Variants in NADK observed in about 807,000 individuals in gnomAD.
The protein encoded by NADK is NAD kinase.
NADK carries 22 observed loss-of-function variants against 49.8 expected under a neutral mutation model. The observed-to-expected ratio is 0.44, with a 90% CI of 0.32 to 0.63. The LOEUF is 0.63. Among genes scored for constraint, NADK ranks in the 30% least tolerant of loss-of-function variants. NADK has a pLI of 0.06. For missense variants in NADK, 438 were observed against 609.4 expected (o/e 0.72, Z 2.96); for synonymous variants, 268 against 253.7 (o/e 1.06, Z -0.54).
At chr1:1,774,163 G>GTA (rs1000157898) in intron 1 of NADK, among the ~76,000 whole-genome samples, 22 of 150,466 alleles carry the variant, frequency 1.5e-4, no homozygotes, top group Admixed American at 7.3e-4. Flanking sequence ...GTGTGTGTGT[G>GTA]TATATATATA....
intron 11 of NADK, 92 bp from the exon 12 acceptor site, chr1:1,753,152 C>T (rs1001754102): frequency 2.1e-5 from 30 of 1,454,096 alleles, no homozygotes; most frequent in Admixed American, 1.8e-4. Flanking sequence ...TGGGAATGGC[C>T]GGGACTCTTT....
rs911431080 is a variant in NADK, at chr1:1,760,924, G to A, written c.263+1028C>T. Among the ~76,000 whole-genome samples the A allele has an allele frequency of 4.6e-5, 7 of 152,136 alleles. No homozygotes were observed. The East Asian group carries it at 1.4e-3, about 29-fold the overall frequency. ...AGCTCCCTGCAATCTCAACCTCCCA[G>A]GTTCAGGTGATCCTCCCGCCCCAGC... On this transcript the variant is annotated intron_variant, in intron 3 of 11. Coordinates refer to ENST00000341426, the MANE Select transcript of NADK (RefSeq NM_023018.5).
intron 1 of NADK, among the ~76,000 whole-genome samples, chr1:1,770,812 C>T (rs949735639): frequency 6.6e-6 from 1 of 151,762 alleles, no homozygotes; most frequent in Admixed American, 6.6e-5. Flanking sequence ...ACTGGGAGGC[C>T]GAGGTGGGTG....
chr1:1,756,216 A>AGGTG lies in NADK; in HGVS notation c.585+41_585+42insCACC, dbSNP rs1645515486. 7 of 1,557,000 alleles carry AGGTG rather than the reference A, an allele frequency of 4.5e-6. No homozygotes were observed. In the South Asian group the frequency reaches 6.7e-5, roughly 15 times the overall value. The stretch of plus-strand genomic sequence containing the variant: ...GTGAGCCCCTCGTTACGCAGCACCT[A>AGGTG]GACTAGAACCTGGTGTGGGTCTGGA... On this transcript the variant is annotated intron_variant, in intron 6 of 11. Transcript: ENST00000341426.
In NADK at chr1:1,752,704, T is replaced by G; in HGVS notation, c.*200A>C. On this transcript the variant is annotated 3_prime_UTR_variant, in exon 12 of 12. Transcript: ENST00000341426. ...GCACTCCCAGCCCATTTCTCACGCT[T>G]CTTTAGAAATGCAAAAAAAGTCAGA... is the stretch of plus-strand genomic sequence containing the variant. 1.6e-6 allele frequency: 1 copy of G among 613,836 alleles called. No individual in the cohort carries two copies. 38.0% of individuals were successfully genotyped at this position (613,836 alleles called of 1,614,324 possible).
At chr1:1,753,709 C>CTCAGGGGTGGGTG in intron 10 of NADK, 60 bp from the exon 11 acceptor site, 1 of 1,455,438 alleles carries the variant, frequency 6.9e-7, no homozygotes. Context: ...CTTCTAGGCA[C>CTCAGGGGTGGGTG]CCACCCCTGA....
chr1:1,765,541 G>GA lies in NADK; in HGVS notation c.-40-96dup, dbSNP rs946943483. On this transcript the variant is annotated intron_variant, in intron 1 of 11. Coordinates refer to ENST00000341426, the MANE Select transcript of NADK (RefSeq NM_023018.5). ...TACATATGTTCCATTTCATCAAGGG[G>GA]AAAAAATGGCTGAAGTCCAATTTAC... 3 of 619,240 alleles carry GA rather than the reference G, an allele frequency of 4.8e-6. No individual in the cohort carries two copies. The East Asian group carries it at 1.0e-4, about 21-fold the overall frequency. The allele number at this position is 619,240 out of a possible 1,614,324, so 38.4% of individuals were successfully genotyped here.
chr1:1,766,746 A>G (rs1279987801), intron 1 of NADK, among the ~76,000 whole-genome samples: 3 of 150,640 alleles, frequency 2.0e-5, no homozygotes, highest in Admixed American at 2.0e-4. Context: ...CTGGGACTAC[A>G]GGAGTACAGC....
At position 1,753,066 on chromosome 1, in the gene NADK, A is replaced by T. The variant is rs1347971930; in HGVS notation, c.1185-6T>A. ...ATGAGGTAGTGATGCTGATGCTGGG[A>T]CGGGAGAGCAGCAGCCTGAGCCAGG... is the stretch of plus-strand genomic sequence containing the variant. On this transcript the variant is annotated splice_polypyrimidine_tract_variant and splice_region_variant and intron_variant, in intron 11 of 11. Coordinates refer to ENST00000341426, the MANE Select transcript of NADK (RefSeq NM_023018.5). 6.2e-7 allele frequency: 1 copy of T among 1,605,894 alleles called. No homozygotes were observed. The highest frequency in any genetic ancestry group is 1.3e-5 in the African/African-American group (1 of 74,818).
chr1:1,762,096 CACAGAT>C, intron 2 of NADK, 61 bp from the exon 3 acceptor site: 29 of 1,421,522 alleles, frequency 2.0e-5, no homozygotes, highest in Non-Finnish European at 2.8e-5. Context: ...CAGTGACAGA[CACAGAT>C]ACAGAGGAGG....
At chr1:1,774,546 G>A (rs1355826599) in intron 1 of NADK, among the ~76,000 whole-genome samples, 4 of 151,970 alleles carry the variant, frequency 2.6e-5, no homozygotes, top group East Asian at 2.0e-4. Flanking sequence ...TCGCCACCGC[G>A]CACGGCCACC....
At chr1:1,758,469 T>C (rs1459460720) in intron 3 of NADK, 2 of 1,612,276 alleles carry the variant, frequency 1.2e-6, no homozygotes, top group African/African-American at 2.7e-5. Flanking sequence ...CCCTGCCTGC[T>C]GGGAGCCGGC....
chr1:1,753,845 A>G (rs1447208643), intron 10 of NADK, among the ~76,000 whole-genome samples, 196 bp from the exon 11 acceptor site: 3 of 152,082 alleles, frequency 2.0e-5, no homozygotes, highest in Non-Finnish European at 4.4e-5. Flanking sequence ...AGCCCCTCAG[A>G]CCCGGGCCCT....
intron 4 of NADK, 101 bp downstream of exon 4, chr1:1,757,080 C>T: frequency 6.6e-7 from 1 of 1,515,420 alleles, no homozygotes; most frequent in Non-Finnish European, 8.9e-7. Flanking sequence ...CGTTGCCCAG[C>T]ACTTGAGGTG....
chr1:1,771,550 C>G (rs1294585226), intron 1 of NADK, among the ~76,000 whole-genome samples: 1 of 152,144 alleles, frequency 6.6e-6, no homozygotes, highest in African/African-American at 2.4e-5. Context: ...GGAAACAGGA[C>G]GGCCAGCCCA....
At chr1:1,755,275 G>A (rs923974655) in intron 7 of NADK, 99 bp downstream of exon 7, 23 of 819,692 alleles carry the variant, frequency 2.8e-5, no homozygotes, top group Admixed American at 2.8e-4. Flanking sequence ...TTTAAATGTT[G>A]CTCCATGCAT....
intron 3 of NADK, 119 bp from the exon 4 acceptor site, chr1:1,757,429 C>T (rs773477578): frequency 4.6e-5 from 42 of 909,232 alleles, no homozygotes; most frequent in East Asian, 1.5e-4. Context: ...CCCAGGGAAA[C>T]GTGCTCGGTG....
chr1:1,777,112 C>T (rs949563247), intron 1 of NADK, among the ~76,000 whole-genome samples: 2 of 152,134 alleles, frequency 1.3e-5, no homozygotes, highest in Non-Finnish European at 2.9e-5. Flanking sequence ...AGAAACATCT[C>T]GAGAGGACAC....
rs116344604 is a variant in NADK at position 1,759,105 on chromosome 1, T to C, written c.264-1795A>G. On this transcript the variant is annotated intron_variant, in intron 3 of 11. Coordinates refer to ENST00000341426, the MANE Select transcript of NADK (RefSeq NM_023018.5). ...CCGCCAACAGTCACCACTGACCCAG[T>C]GGCCTGGCCTACACCCATTCCAGCC... 3.6e-3 allele frequency: 5,530 copies of C among 1,540,406 alleles called. 176 individuals are homozygous for C. In the African/African-American group the frequency reaches 0.067, roughly 19 times the overall value.
Sources: allele counts gnomAD v4.1 joint callset (sites outside exome capture counted in the v4.1 genomes callset), GRCh38; gene constraint gnomAD v4.1.1; transcripts MANE v1.5; gene names NCBI Gene and HGNC (gene_info 2026-07-23, HGNC 2026-07-21).